Variants in RARB observed in about 807,000 individuals in gnomAD.
RARB encodes retinoic acid receptor beta.
Under a neutral mutation model 51.9 loss-of-function variants are expected in RARB, and 17 were observed. That is an observed-to-expected ratio of 0.33 (90% CI 0.22 to 0.49). The LOEUF (loss-of-function observed/expected upper bound fraction) is 0.49, where lower values mean the gene tolerates loss of function less well. RARB is among the 20% of genes least tolerant of loss of function. RARB has a pLI of 0.99. For synonymous variants in RARB, 215 were observed against 195.4 expected (o/e 1.10, Z -0.84); for missense variants, 369 against 550.8 (o/e 0.67, Z 3.30).
intron 4 of RARB, among the ~76,000 whole-genome samples, chr3:25,575,020 T>G (rs1234586469): frequency 6.6e-6 from 1 of 152,160 alleles, no homozygotes; most frequent in Non-Finnish European, 1.5e-5. Flanking sequence ...AACACACCTG[T>G]GCTGCCAGTA....
chr3:24,942,753 G>A (rs970541466), intron 2 of RARB, among the ~76,000 whole-genome samples: 1 of 152,128 alleles, frequency 6.6e-6, no homozygotes, highest in Non-Finnish European at 1.5e-5. Flanking sequence ...AAGAGCATTA[G>A]TGGCATTGAT....
chr3:25,582,693 C>G (rs1701226292), intron 5 of RARB, among the ~76,000 whole-genome samples: 1 of 152,048 alleles, frequency 6.6e-6, no homozygotes, highest in Non-Finnish European at 1.5e-5. Flanking sequence ...CCTCTCTTCC[C>G]ACATCTCAGC....
At chr3:24,931,284 T>C (rs1423581448) in intron 2 of RARB, among the ~76,000 whole-genome samples, 2 of 152,138 alleles carry the variant, frequency 1.3e-5, no homozygotes, top group Non-Finnish European at 1.5e-5. Flanking sequence ...TTCTCTCTGC[T>C]GCCTGAAAAT....
At chr3:25,325,123 T>A (rs1392219070) in intron 5 of RARB, among the ~76,000 whole-genome samples, 1 of 152,108 alleles carries the variant, frequency 6.6e-6, no homozygotes, top group East Asian at 1.9e-4. Flanking sequence ...TATTCATGAG[T>A]TTTCTGGGAA....
At chr3:25,218,810 C>T (rs557547230) in intron 5 of RARB, among the ~76,000 whole-genome samples, 40 of 152,300 alleles carry the variant, frequency 2.6e-4, no homozygotes, top group Non-Finnish European at 4.4e-4. Context: ...AGAGGTGACT[C>T]AAGGCCTCAG....
chr3:25,325,786 G>A (rs896705215), intron 5 of RARB, among the ~76,000 whole-genome samples: 3 of 150,992 alleles, frequency 2.0e-5, no homozygotes, highest in Non-Finnish European at 4.4e-5. Flanking sequence ...TCAGTTTGGG[G>A]GTTGTTGGGG....
At chr3:25,468,581 C>A (rs1695549044) in intron 2 of RARB, among the ~76,000 whole-genome samples, 1 of 151,922 alleles carries the variant, frequency 6.6e-6, no homozygotes, top group Non-Finnish European at 1.5e-5. Context: ...CTGCTTCAGC[C>A]ACACTTAGAC....
At chr3:24,901,953 C>A (rs1304984276) in intron 2 of RARB, among the ~76,000 whole-genome samples, 1 of 151,752 alleles carries the variant, frequency 6.6e-6, no homozygotes, top group East Asian at 1.9e-4. Context: ...ATGACCAAGA[C>A]TGCAATTACT....
chr3:25,487,296 T>C (rs1218477173), intron 2 of RARB, among the ~76,000 whole-genome samples: 1 of 152,192 alleles, frequency 6.6e-6, no homozygotes. Context: ...ATAGACCCCA[T>C]TGCTTCTCTG....
At chr3:24,846,681 T>C (rs6783978) in intron 1 of RARB, among the ~76,000 whole-genome samples, 70,438 of 151,928 alleles carry the variant, frequency 0.46, 16,803 homozygotes, top group East Asian at 0.75. Context: ...CTGAGAGTGG[T>C]GGCTTCCCCT....
intron 2 of RARB, among the ~76,000 whole-genome samples, chr3:25,003,770 G>A (rs554158025): frequency 1.3e-5 from 2 of 152,228 alleles, no homozygotes; most frequent in South Asian, 4.1e-4. Context: ...GCCTGGAGGT[G>A]ATATGAACAG....
intron 4 of RARB, among the ~76,000 whole-genome samples, chr3:25,154,411 T>C (rs1364664052): frequency 6.6e-6 from 1 of 152,210 alleles, no homozygotes; most frequent in Non-Finnish European, 1.5e-5. Context: ...TTATTCTATC[T>C]GTGCTACCCT....
chr3:25,204,411 G>A (rs923389592), intron 5 of RARB, among the ~76,000 whole-genome samples: 11 of 152,126 alleles, frequency 7.2e-5, no homozygotes, highest in South Asian at 6.2e-4. Context: ...GTCTGAAGCC[G>A]CCTTCTCTCA....
intron 2 of RARB, among the ~76,000 whole-genome samples, chr3:25,035,331 A>G (rs527504601): frequency 3.6e-4 from 55 of 151,430 alleles, no homozygotes; most frequent in Non-Finnish European, 5.3e-4. Context: ...CATGTTGCCC[A>G]GGCTGGTCTC....
intron 5 of RARB, among the ~76,000 whole-genome samples, chr3:25,270,908 T>A (rs1703242770): frequency 6.6e-6 from 1 of 152,224 alleles, no homozygotes; most frequent in South Asian, 2.1e-4. Context: ...CTAATATTAC[T>A]GGTAAGTTTT....
At chr3:25,002,925 A>G (rs1697197259) in intron 2 of RARB, among the ~76,000 whole-genome samples, 1 of 152,174 alleles carries the variant, frequency 6.6e-6, no homozygotes, top group Non-Finnish European at 1.5e-5. Context: ...CCAATTTTAT[A>G]TGAATATTTG....
rs151157772 is a variant in RARB at position 25,016,065 on chromosome 3, G to T, written c.-379-44060G>T. Among the ~76,000 whole-genome samples the T allele has an allele frequency of 3.3e-5, 5 of 152,292 alleles. No homozygotes were observed. The East Asian group carries it at 7.7e-4, about 24-fold the overall frequency. On this transcript the variant is annotated intron_variant, in intron 2 of 11. Transcript: ENST00000383772. ...GTGGAACAATGGGTACATGCTATTT[G>T]CAGGATAAATAATGGACAAATATTT...
At chr3:25,526,326 G>T (rs77692995) in intron 3 of RARB, among the ~76,000 whole-genome samples, 15 of 152,258 alleles carry the variant, frequency 9.9e-5, no homozygotes, top group African/African-American at 3.1e-4. Context: ...CCCACCTGAA[G>T]GAGTTTGATT....
chr3:25,164,342 T>C (rs1700526888), intron 4 of RARB, among the ~76,000 whole-genome samples: 1 of 152,166 alleles, frequency 6.6e-6, no homozygotes, highest in African/African-American at 2.4e-5. Context: ...TAAGGTGTCC[T>C]TAACCTGCTT....
Sources: allele counts gnomAD v4.1 joint callset (sites outside exome capture counted in the v4.1 genomes callset), GRCh38; gene constraint gnomAD v4.1.1; transcripts MANE v1.5; gene names NCBI Gene and HGNC (gene_info 2026-07-23, HGNC 2026-07-21).